Variants in EXOC4 observed in about 807,000 individuals in gnomAD.
The protein encoded by EXOC4 is SEC8-like 1.
Under a neutral mutation model 107.2 loss-of-function variants are expected in EXOC4, and 71 were observed. The observed-to-expected ratio is 0.66, with a 90% CI of 0.55 to 0.81. The LOEUF (loss-of-function observed/expected upper bound fraction) is 0.81. Ranked by LOEUF, EXOC4 falls within the 30% of genes least tolerant of loss-of-function variation. The probability of loss-of-function intolerance (pLI) is 0.00; values close to 1 mark genes in which losing one functional copy is unlikely to be tolerated. For missense variants in EXOC4, 1,108 were observed against 1,189.6 expected (o/e 0.93, Z 1.01); for synonymous variants, 456 against 441.2 (o/e 1.03, Z -0.42).
At chr7:133,450,883 T>C (rs1798328732) in intron 7 of EXOC4, among the ~76,000 whole-genome samples, 1 of 152,216 alleles carries the variant, frequency 6.6e-6, no homozygotes, top group African/African-American at 2.4e-5. Flanking sequence ...CACTTCTTAG[T>C]AGATTGTGTA....
intron 17 of EXOC4, among the ~76,000 whole-genome samples, chr7:134,032,669 A>G (rs1195388402): frequency 6.6e-6 from 1 of 152,164 alleles, no homozygotes; most frequent in Non-Finnish European, 1.5e-5. Context: ...GACTCAAAAA[A>G]TTCTGTACTT....
At chr7:133,979,962 A>G (rs1182926716) in intron 14 of EXOC4, among the ~76,000 whole-genome samples, 1 of 151,818 alleles carries the variant, frequency 6.6e-6, no homozygotes, top group African/African-American at 2.4e-5. Flanking sequence ...CCAATCTACC[A>G]CCTACCTCAT....
At chr7:133,434,936 C>T (rs567077930) in intron 7 of EXOC4, among the ~76,000 whole-genome samples, 38 of 152,280 alleles carry the variant, frequency 2.5e-4, no homozygotes, top group African/African-American at 8.9e-4. Flanking sequence ...AAAAAGAAGA[C>T]TGGTGATGCC....
chr7:133,336,771 G>C (rs564342342), intron 5 of EXOC4, among the ~76,000 whole-genome samples: 14 of 148,266 alleles, frequency 9.4e-5, no homozygotes, highest in African/African-American at 3.5e-4. Flanking sequence ...GTCTTGCTCT[G>C]TCGCCAGGCT....
intron 7 of EXOC4, among the ~76,000 whole-genome samples, chr7:133,392,388 TA>T (rs1422511748): frequency 6.6e-6 from 1 of 152,170 alleles, no homozygotes; most frequent in African/African-American, 2.4e-5. Flanking sequence ...CCTGGTGTTG[TA>T]GAAATTTCTC....
intron 4 of EXOC4, among the ~76,000 whole-genome samples, chr7:133,308,008 T>A (rs1433507547): frequency 2.0e-5 from 3 of 152,184 alleles, no homozygotes; most frequent in African/African-American, 7.2e-5. Context: ...CAGAGCTAAC[T>A]AAAACATGAA....
intron 17 of EXOC4, among the ~76,000 whole-genome samples, chr7:134,041,484 C>A (rs967992058): frequency 2.6e-5 from 4 of 152,132 alleles, no homozygotes; most frequent in Non-Finnish European, 5.9e-5. Context: ...TTTGCACACT[C>A]AAAATCAATT....
rs527743800 is a variant in EXOC4 at position 133,600,216 on chromosome 7, T to C, written c.1418-29829T>C. 2.6e-5 allele frequency among the ~76,000 whole-genome samples: 4 copies of C among 152,288 alleles called. No homozygotes were observed. The South Asian group carries it at 8.3e-4, about 32-fold the overall frequency. On this transcript the variant is annotated intron_variant, in intron 9 of 17. Transcript: ENST00000253861. ...ACTCTCCCGTGACTTTTGAGGTCTT[T>C]GAATGTTGCTTGCATTGCCTAGCAC...
rs1479100742 is a variant in EXOC4 at position 134,010,252 on chromosome 7, G to A, written c.2687+2417G>A. 9 of 152,120 alleles carry A rather than the reference G, an allele frequency of 5.9e-5. No individual in the cohort carries two copies. In the East Asian group the frequency reaches 1.7e-3, roughly 29 times the overall value. The allele number at this position is 152,120 out of a possible 1,614,324, so 9.4% of individuals were successfully genotyped here. On this transcript the variant is annotated intron_variant, in intron 17 of 17. Coordinates refer to ENST00000253861, the MANE Select transcript of EXOC4 (RefSeq NM_021807.4). The stretch of plus-strand genomic sequence containing the variant: ...AATGAATGAAAAGATATCAAATCAA[G>A]GCTAATTTTGGTGTGGATGAAGACC...
chr7:133,498,794 A>G (rs1176731207), intron 9 of EXOC4, among the ~76,000 whole-genome samples: 1 of 152,194 alleles, frequency 6.6e-6, no homozygotes, highest in Non-Finnish European at 1.5e-5. Context: ...AAAGTTCTGC[A>G]TGATTTAGCC....
chr7:133,895,777 C>T (rs1799293462), intron 12 of EXOC4, 42 bp downstream of exon 12: 1 of 1,587,176 alleles, frequency 6.3e-7, no homozygotes, highest in Non-Finnish European at 8.6e-7. Flanking sequence ...ACGTTTGAGC[C>T]TGATGGTGGT....
intron 5 of EXOC4, among the ~76,000 whole-genome samples, chr7:133,326,316 GT>G (rs1388912117): frequency 6.8e-6 from 1 of 147,418 alleles, no homozygotes; most frequent in Non-Finnish European, 1.5e-5. Context: ...TTTCTGCTCT[GT>G]TTTTTCCCCA....
intron 14 of EXOC4, among the ~76,000 whole-genome samples, chr7:133,974,159 C>G (rs1793772093): frequency 6.6e-6 from 1 of 152,126 alleles, no homozygotes; most frequent in Non-Finnish European, 1.5e-5. Flanking sequence ...TATACCAAGG[C>G]AGAGATAGTG....
intron 10 of EXOC4, among the ~76,000 whole-genome samples, chr7:133,744,872 C>T (rs779129385): frequency 6.6e-6 from 1 of 152,096 alleles, no homozygotes; most frequent in African/African-American, 2.4e-5. Flanking sequence ...CAAAGCTGAT[C>T]GCTACATTTT....
chr7:133,618,854 TACAACAA>T (rs1802258264), intron 9 of EXOC4, among the ~76,000 whole-genome samples: 21 of 152,174 alleles, frequency 1.4e-4, no homozygotes, highest in Admixed American at 7.2e-4. Context: ...ATAGTAAATG[TACAACAA>T]GTAATATTAT....
At chr7:133,305,523 T>C (rs1226566469) in intron 3 of EXOC4, among the ~76,000 whole-genome samples, 1 of 152,154 alleles carries the variant, frequency 6.6e-6, no homozygotes, top group Non-Finnish European at 1.5e-5. Flanking sequence ...TAACTTTGAG[T>C]AAAAGTTGAT....
the EXOC4 span, among the ~76,000 whole-genome samples, chr7:134,086,205 A>T: frequency 6.6e-6 from 1 of 152,216 alleles, no homozygotes; most frequent in Non-Finnish European, 1.5e-5. Flanking sequence ...AGTAAAAACA[A>T]CAAAACAGCA....
chr7:133,255,310 G>A (rs941555928), intron 1 of EXOC4, among the ~76,000 whole-genome samples: 1 of 152,028 alleles, frequency 6.6e-6, no homozygotes, highest in Non-Finnish European at 1.5e-5. Flanking sequence ...CCGCATAGCT[G>A]GGATTATAGG....
chr7:133,713,148 T>A (rs1236591827), intron 10 of EXOC4, among the ~76,000 whole-genome samples: 1 of 152,190 alleles, frequency 6.6e-6, no homozygotes, highest in Admixed American at 6.5e-5. Context: ...GGAAAAAAAA[T>A]AGCTAAGAAT....
Sources: gnomAD v4.1 joint callset for allele counts (sites outside exome capture counted in the v4.1 genomes callset) on GRCh38, gnomAD v4.1.1 for gene constraint, MANE v1.5 for transcripts, NCBI Gene and HGNC (gene_info 2026-07-23, HGNC 2026-07-21) for gene names.